The following D2HGDH variants were observed in gnomAD, a reference collection of about 807,000 sequenced individuals.
The protein encoded by D2HGDH is D-2-hydroxyglutarate dehydrogenase, also known as D-2-hydroxyglutarate dehydrogenase, mitochondrial.
A neutral mutation model predicts 46.9 loss-of-function variants in D2HGDH; 31 were observed. The observed-to-expected ratio is 0.66, with a 90% CI of 0.50 to 0.89. The LOEUF is 0.89. Ranked by LOEUF, D2HGDH falls within the 40% of genes least tolerant of loss-of-function variation. D2HGDH has a pLI of 0.00. For synonymous variants in D2HGDH, 364 were observed against 332.6 expected (o/e 1.09, Z -1.03); for missense variants, 698 against 720.8 (o/e 0.97, Z 0.36).
At chr2:241,738,125 G>A (rs1367638799) in intron 2 of D2HGDH, among the ~76,000 whole-genome samples, 1 of 152,206 alleles carries the variant, frequency 6.6e-6, no homozygotes, top group East Asian at 1.9e-4. Context: ...TGGTCACTGT[G>A]TAGGAGCTCT....
intron 1 of D2HGDH, 168 bp downstream of exon 1, chr2:241,734,863 C>T (rs951761971): frequency 4.0e-5 from 9 of 227,786 alleles, no homozygotes; most frequent in Non-Finnish European, 7.7e-5. Flanking sequence ...AACACGCGCG[C>T]GCGTCCGCGG....
intron 2 of D2HGDH, among the ~76,000 whole-genome samples, chr2:241,737,161 A>G (rs1693132984): frequency 6.6e-6 from 1 of 151,990 alleles, no homozygotes; most frequent in Non-Finnish European, 1.5e-5. Context: ...TAGTAGAGAC[A>G]GGGTTTTATC....
At chr2:241,735,615 G>C in intron 2 of D2HGDH, 99 bp downstream of exon 2, 1 of 1,520,914 alleles carries the variant, frequency 6.6e-7, no homozygotes, top group Non-Finnish European at 8.9e-7. Context: ...CTGGATGGGG[G>C]TGCCAGCCCC....
Position 241,735,483 on chromosome 2 carries a change from G to A in D2HGDH, c.259G>A (p.Ala87Thr). 1.2e-6 allele frequency: 2 copies of A among 1,608,546 alleles called. No individual in the cohort carries two copies. Among genetic ancestry groups the A allele is most frequent in the Non-Finnish European group, 1.7e-6 (2 of 1,179,780 alleles). The change falls in exon 2 of 10, where the codon GCT (alanine) becomes ACT (threonine). Residue 87 changes from alanine to threonine, a missense_variant. Coordinates refer to ENST00000321264, the MANE Select transcript of D2HGDH (RefSeq NM_152783.5). Reference protein sequence around the residue: ...GVVTDPEALQAPNVDWLRTLR... With the variant: ...GVVTDPEALQTPNVDWLRTLR... ...CGTCACGGACCCGGAAGCGCTGCAG[G>A]CTCCCAACGTGGACTGGTTGCGGAC...
At chr2:241,757,089 G>T (rs192484378) in intron 9 of D2HGDH, among the ~76,000 whole-genome samples, 4 of 152,202 alleles carry the variant, frequency 2.6e-5, no homozygotes, top group Non-Finnish European at 2.9e-5. Flanking sequence ...TATTACTTAC[G>T]AAGGTCCCGT....
chr2:241,759,878 C>T (rs545128493), intron 9 of D2HGDH, among the ~76,000 whole-genome samples: 5 of 152,352 alleles, frequency 3.3e-5, no homozygotes, highest in East Asian at 1.9e-4. Context: ...TTCTCTGCGT[C>T]CACTTGTCTG....
At chr2:241,737,769 G>A (rs71351115) in intron 2 of D2HGDH, among the ~76,000 whole-genome samples, 36,942 of 152,062 alleles carry the variant, frequency 0.24, 4,904 homozygotes, top group Admixed American at 0.39. Flanking sequence ...ATGTGTCTGT[G>A]TGCTAAAATA....
intron 2 of D2HGDH, among the ~76,000 whole-genome samples, chr2:241,737,017 G>A (rs1693068436): frequency 6.6e-6 from 1 of 152,080 alleles, no homozygotes; most frequent in South Asian, 2.1e-4. Context: ...TGCCCAGGCT[G>A]GAGTGCAGTG....
rs1692397547 is a variant in D2HGDH, at chr2:241,735,107, A to T, written c.-92-26A>T. ...TCAATTTGTACAACGTGCATAAAAC[A>T]TGAAATTACCCTTGGCCACTTCCAG... On this transcript the variant is annotated intron_variant, in intron 1 of 9. Transcript: ENST00000321264. 4.5e-6 allele frequency: 5 copies of T among 1,114,538 alleles called. No individual in the cohort carries two copies. In the South Asian group the frequency reaches 8.8e-5, roughly 20 times the overall value. The allele number at this position is 1,114,538 out of a possible 1,614,324, so 69.0% of individuals were successfully genotyped here. A position where few individuals can be genotyped will look rare whatever the true frequency, so the allele number is the denominator to read the frequency against.
rs1472114573 is a variant in D2HGDH at position 241,755,979 on chromosome 2, C to T, written c.1271C>T (p.Pro424Leu). 1.5e-5 allele frequency: 24 copies of T among 1,603,970 alleles called. No individual in the cohort carries two copies. Among genetic ancestry groups the T allele is most frequent in the African/African-American group, 2.7e-5 (2 of 74,698 alleles). ...IVTDLRARLGPHAKHVVGYGH... is the reference protein window; with the variant it reads ...IVTDLRARLGLHAKHVVGYGH... The stretch of plus-strand genomic sequence containing the variant: ...ACTGACCTGCGCGCCCGCCTCGGCC[C>T]GCACGCCAAGCACGTGGTGGGCTAT... Residue 424 changes from proline (P) to leucine (L), a missense_variant, in exon 9 of 10, where the codon CCG becomes CTG. By Grantham distance (98) the Pro-to-Leu change is moderately conservative (BLOSUM62 -3). Transcript: ENST00000321264.
At chr2:241,736,237 G>C (rs1035060444) in intron 2 of D2HGDH, 1 of 152,210 alleles carries the variant, frequency 6.6e-6, no homozygotes, top group East Asian at 1.9e-4. Flanking sequence ...AAAACAAAAA[G>C]TAAAAAAGTT....
intron 9 of D2HGDH, among the ~76,000 whole-genome samples, chr2:241,762,334 T>C (rs1462955151): frequency 6.6e-6 from 1 of 152,192 alleles, no homozygotes; most frequent in Non-Finnish European, 1.5e-5. Flanking sequence ...TCTCCCAAAG[T>C]GCTGAGATTG....
intron 2 of D2HGDH, among the ~76,000 whole-genome samples, chr2:241,740,662 G>C (rs1054340310): frequency 1.3e-5 from 2 of 152,134 alleles, no homozygotes; most frequent in Non-Finnish European, 2.9e-5. Flanking sequence ...ATCACTCTCT[G>C]GGGGCTGGGC....
intron 5 of D2HGDH, 132 bp from the exon 6 acceptor site, chr2:241,744,576 CA>C: frequency 8.9e-7 from 1 of 1,120,038 alleles, no homozygotes; most frequent in Non-Finnish European, 1.3e-6. Context: ...GTCACTCGTA[CA>C]GGAGGAAAGT....
chr2:241,734,633 C>G lies in D2HGDH; in HGVS notation c.-155C>G, dbSNP rs928916361. The G allele has an allele frequency of 1.3e-5, 2 of 150,320 alleles. No individual in the cohort carries two copies. Among genetic ancestry groups the G allele is most frequent in the Non-Finnish European group, 2.9e-5 (2 of 67,812 alleles). 9.3% of individuals were successfully genotyped at this position (150,320 alleles called of 1,614,324 possible). ...CAGGCGCGGCGTCGCCCCGCCCACTCCGGCTCGGCGGCTCTGGGCCTGCGG... is the reference window on the plus strand; with the variant it reads ...CAGGCGCGGCGTCGCCCCGCCCACTGCGGCTCGGCGGCTCTGGGCCTGCGG... On this transcript the variant is annotated 5_prime_UTR_variant, in exon 1 of 10. Transcript: ENST00000321264.
chr2:241,750,407 G>T (rs1696964940), intron 7 of D2HGDH, 113 bp downstream of exon 7: 2 of 1,012,082 alleles, frequency 2.0e-6, no homozygotes, highest in South Asian at 2.8e-5. Context: ...GCGGGCGGGT[G>T]GGGGGTCCCT....
rs111760619 is a variant in D2HGDH at position 241,744,868 on chromosome 2, G to A, written c.844G>A (p.Ala282Thr). 1 of 1,614,152 alleles carries A rather than the reference G, an allele frequency of 6.2e-7. No homozygotes were observed. The highest frequency in any genetic ancestry group is 8.5e-7 in the Non-Finnish European group (1 of 1,179,996). Residue 282 changes from alanine (A) to threonine (T), a missense_variant, in exon 6 of 10, where the codon GCT becomes ACT. Ala to Thr is a moderately conservative substitution (Grantham distance 58). Coordinates refer to ENST00000321264, the MANE Select transcript of D2HGDH (RefSeq NM_152783.5). Reference sequence around the variant, plus strand: ...ACCCAAGCCCAGGGCTGTGAACGTGGCTTTCCTCGGTGGGCTTCCTCGATG... The same window carrying A: ...ACCCAAGCCCAGGGCTGTGAACGTGACTTTCCTCGGTGGGCTTCCTCGATG... ...CPPKPRAVNVAFLGCPGFAEV... is the reference protein window; with the variant it reads ...CPPKPRAVNVTFLGCPGFAEV...
chr2:241,737,746 C>T (rs186321685), intron 2 of D2HGDH, among the ~76,000 whole-genome samples: 66 of 152,180 alleles, frequency 4.3e-4, no homozygotes, highest in Admixed American at 3.6e-3. Flanking sequence ...AAAAATTAGC[C>T]GGGTATGGTG....
chr2:241,747,396 GCTTTT>G, intron 6 of D2HGDH, among the ~76,000 whole-genome samples: 1 of 34,646 alleles, frequency 2.9e-5, no homozygotes, highest in South Asian at 6.8e-4. Flanking sequence ...GAGAGGGTTT[GCTTTT>G]GCTTTTGCTT....
Sources: gnomAD v4.1 joint callset for allele counts (sites outside exome capture counted in the v4.1 genomes callset) on GRCh38, gnomAD v4.1.1 for gene constraint, MANE v1.5 for transcripts, NCBI Gene and HGNC (gene_info 2026-07-23, HGNC 2026-07-21) for gene names.